PIK3C3: variants seen among roughly 807,000 people sequenced by gnomAD.
The protein encoded by PIK3C3 is phosphatidylinositol 3-kinase catalytic subunit type 3, also known as PI3-kinase type 3.
In PIK3C3, 95 loss-of-function variants were observed where a neutral mutation model predicts 126.1. The ratio of observed to expected loss-of-function variants is 0.75; its 90% CI spans 0.64 to 0.89. PIK3C3 has a LOEUF of 0.89. Ranked by LOEUF, PIK3C3 falls within the 40% of genes least tolerant of loss-of-function variation. The pLI is 0.00. For missense variants in PIK3C3, 829 were observed against 1,063.2 expected, an observed-to-expected ratio of 0.78 and a Z score of 3.06; for synonymous variants, 374 against 360.0, an observed-to-expected ratio of 1.04 and a Z score of -0.44.
At chr18:42,050,103 G>A (rs1243099896) in intron 21 of PIK3C3, 1 of 152,480 alleles carries the variant, frequency 6.6e-6, no homozygotes, top group African/African-American at 2.4e-5. Flanking sequence ...TGCTTTAGTA[G>A]TAATCCTACA....
At chr18:41,989,466 A>G (rs149456658) in intron 5 of PIK3C3, among the ~76,000 whole-genome samples, 2 of 152,286 alleles carry the variant, frequency 1.3e-5, no homozygotes, top group Non-Finnish European at 2.9e-5. Context: ...TCACCTTAGT[A>G]TAGTCATGTG....
chr18:42,001,571 T>G (rs1056841155), intron 9 of PIK3C3, among the ~76,000 whole-genome samples: 1 of 152,236 alleles, frequency 6.6e-6, no homozygotes, highest in Non-Finnish European at 1.5e-5. Context: ...TCTTATTCTT[T>G]GACTCCTTGT....
At chr18:42,002,941 G>C (rs1304390928) in intron 9 of PIK3C3, among the ~76,000 whole-genome samples, 1 of 152,184 alleles carries the variant, frequency 6.6e-6, no homozygotes, top group Non-Finnish European at 1.5e-5. Flanking sequence ...AAGGGGAATG[G>C]GACTAACTAG....
At chr18:41,975,857 G>A (rs1007539883) in intron 4 of PIK3C3, among the ~76,000 whole-genome samples, 2 of 152,024 alleles carry the variant, frequency 1.3e-5, no homozygotes, top group African/African-American at 4.8e-5. Flanking sequence ...CCGCCATCAT[G>A]CCTGGCTAAT....
At chr18:42,032,447 T>C (rs1041261689) in intron 15 of PIK3C3, among the ~76,000 whole-genome samples, 5 of 152,096 alleles carry the variant, frequency 3.3e-5, no homozygotes, top group Non-Finnish European at 5.9e-5. Context: ...TGCACTCTGG[T>C]TACTTTTGAT....
At chr18:41,994,835 C>T (rs1283328395) in intron 7 of PIK3C3, among the ~76,000 whole-genome samples, 1 of 151,946 alleles carries the variant, frequency 6.6e-6, no homozygotes, top group Admixed American at 6.6e-5. Context: ...CCCATGAATT[C>T]TAGACCAGTC....
At chr18:42,075,774 C>T (rs1239032741) in intron 24 of PIK3C3, among the ~76,000 whole-genome samples, 1 of 149,500 alleles carries the variant, frequency 6.7e-6, no homozygotes, top group Non-Finnish European at 1.5e-5. Context: ...TGACTATTTC[C>T]AGTCACCAGC....
chr18:42,067,180 G>A (rs905215018), intron 23 of PIK3C3, among the ~76,000 whole-genome samples: 1 of 151,912 alleles, frequency 6.6e-6, no homozygotes, highest in Non-Finnish European at 1.5e-5. Context: ...CAACCAACAA[G>A]AACAAGGTGA....
intron 9 of PIK3C3, 95 bp from the exon 10 acceptor site, chr18:42,004,261 G>A: frequency 1.2e-6 from 1 of 854,742 alleles, no homozygotes; most frequent in Admixed American, 2.6e-5. Flanking sequence ...TGACTCCGTG[G>A]CTCTGTCATT....
intron 24 of PIK3C3, among the ~76,000 whole-genome samples, chr18:42,068,321 A>G (rs1985625833): frequency 6.6e-6 from 1 of 152,082 alleles, no homozygotes; most frequent in African/African-American, 2.4e-5. Flanking sequence ...GGCCTTCTAG[A>G]ATATTGTGTT....
At chr18:42,055,979 C>A (rs1189153787) in intron 21 of PIK3C3, among the ~76,000 whole-genome samples, 1 of 151,974 alleles carries the variant, frequency 6.6e-6, no homozygotes, top group Non-Finnish European at 1.5e-5. Flanking sequence ...AAGTTGGAGA[C>A]AAAAGGAGGT....
intron 21 of PIK3C3, chr18:42,053,170 G>A (rs886531853): frequency 1.3e-5 from 2 of 152,126 alleles, no homozygotes; most frequent in Admixed American, 6.6e-5. Context: ...AAATATAGAT[G>A]AAATAGAAAA....
At chr18:42,011,341 A>G (rs1982817390) in intron 10 of PIK3C3, among the ~76,000 whole-genome samples, 1 of 152,224 alleles carries the variant, frequency 6.6e-6, no homozygotes, top group Non-Finnish European at 1.5e-5. Flanking sequence ...CACCTGCATC[A>G]ATAACTTGTT....
Position 41,962,531 on chromosome 18 carries a change from G to C in PIK3C3, c.300G>C (p.Leu100=), listed in dbSNP as rs553179537. 95 of 1,613,462 alleles carry C rather than the reference G, an allele frequency of 5.9e-5. No homozygotes were observed. Among genetic ancestry groups the C allele is most frequent in the Non-Finnish European group, 7.4e-5 (87 of 1,179,648 alleles). Residue 100 remains leucine (L), a synonymous_variant, in exon 3 of 25, where the codon CTG becomes CTC. Transcript: ENST00000262039. ...WLKLPVKYPD[L]PRNAQVALTI... ...AACTACCAGTAAAATACCCTGACCTGCCCAGGAATGCCCAAGTGGCCCTCA... is the reference window on the plus strand; with the variant it reads ...AACTACCAGTAAAATACCCTGACCTCCCCAGGAATGCCCAAGTGGCCCTCA...
rs140372550 is a variant in PIK3C3 at position 42,060,067 on chromosome 18, C to T, written c.2432+2016C>T. ...TGGGATTACAGACATAAACCCATCG[C>T]ACCTGGCCAACATTTATTTTTTAAT... On this transcript the variant is annotated intron_variant, in intron 22 of 24. Transcript: ENST00000262039. 4.4e-3 allele frequency among the ~76,000 whole-genome samples: 667 copies of T among 152,164 alleles called. 3 individuals carry two copies. Among genetic ancestry groups the T allele is most frequent in the Non-Finnish European group, 6.1e-3 (415 of 68,010 alleles).
In PIK3C3 at chr18:42,006,041, C is replaced by T. The variant is rs144280922; in HGVS notation, c.1170+1500C>T. Among the ~76,000 whole-genome samples, 162 of 151,212 alleles carry T rather than the reference C, an allele frequency of 1.1e-3. 18 individuals are homozygous for T. The East Asian group carries it at 0.024, about 23-fold the overall frequency. ...TAATTTGCTAGAATGACTCACAAAA[C>T]TCAGGGAAACATTACTTACTATTGA... On this transcript the variant is annotated intron_variant, in intron 10 of 24. Coordinates refer to ENST00000262039, the MANE Select transcript of PIK3C3 (RefSeq NM_002647.4).
chr18:41,968,751 A>G (rs578176881), intron 3 of PIK3C3, among the ~76,000 whole-genome samples: 24 of 152,282 alleles, frequency 1.6e-4, no homozygotes, highest in Middle Eastern at 3.4e-3. Context: ...TAGCCAGAAC[A>G]TTATAATAAT....
chr18:42,071,854 T>G (rs1284192500), intron 24 of PIK3C3, among the ~76,000 whole-genome samples: 1 of 152,214 alleles, frequency 6.6e-6, no homozygotes, highest in Non-Finnish European at 1.5e-5. Context: ...GTTTGTGATA[T>G]TTCTTAGATT....
intron 12 of PIK3C3, among the ~76,000 whole-genome samples, chr18:42,019,572 C>A (rs11873469): frequency 0.036 from 5,460 of 152,104 alleles, 316 homozygotes; most frequent in African/African-American, 0.12. Flanking sequence ...TCTGTCTTGC[C>A]ATTTCTTCTC....
Sources: allele counts gnomAD v4.1 joint callset (sites outside exome capture counted in the v4.1 genomes callset), GRCh38; gene constraint gnomAD v4.1.1; transcripts MANE v1.5; gene names NCBI Gene and HGNC (gene_info 2026-07-23, HGNC 2026-07-21).